FAM161A: variants seen among roughly 807,000 people sequenced by gnomAD.
The protein encoded by FAM161A is FAM161 centrosomal protein A.
Under a neutral mutation model 70.9 loss-of-function variants are expected in FAM161A, and 57 were observed. The ratio of observed to expected loss-of-function variants is 0.80; its 90% CI spans 0.65 to 1.00. The LOEUF (loss-of-function observed/expected upper bound fraction) is 1.00. FAM161A is among the 50% of genes least tolerant of loss of function. FAM161A has a pLI of 0.00. For synonymous variants in FAM161A, 299 were observed against 295.7 expected (o/e 1.01, Z -0.12); for missense variants, 880 against 836.0 (o/e 1.05, Z -0.65).
chr2:61,840,080 C>A lies in FAM161A; in HGVS notation c.924G>T (p.Arg308Ser), dbSNP rs1017182965. 1.2e-6 allele frequency: 2 copies of A among 1,614,190 alleles called. No individual in the cohort carries two copies. The highest frequency in any genetic ancestry group is 1.7e-6 in the Non-Finnish European group (2 of 1,180,046). Residue 308 changes from arginine to serine, a missense_variant, in exon 3 of 7, where the codon AGG becomes AGT. Coordinates refer to ENST00000404929, the MANE Select transcript of FAM161A (RefSeq NM_001201543.2). ...CTTCTTTGCTTTTCTCCTTCAGAGA[C>A]CTTCTCCGTTCTTCTTTTTGCTTGA... ...DLVKQKEERRRSLKEKSKEAL... is the reference protein window; with the variant it reads ...DLVKQKEERRSSLKEKSKEAL...
the FAM161A span, among the ~76,000 whole-genome samples, chr2:61,816,453 T>G: frequency 2.0e-5 from 3 of 151,642 alleles, no homozygotes; most frequent in African/African-American, 7.3e-5. Context: ...AAACTGAGGG[T>G]TTTTTGTTTG....
chr2:61,832,436 GAATAA>G (rs1436943925), intron 5 of FAM161A, among the ~76,000 whole-genome samples: 1 of 152,128 alleles, frequency 6.6e-6, no homozygotes, highest in Non-Finnish European at 1.5e-5. Flanking sequence ...TCCAGAACTA[GAATAA>G]AATAACAGTG....
Position 61,842,189 on chromosome 2 carries a change from C to T in FAM161A, c.355G>A (p.Asp119Asn), listed in dbSNP as rs1673041238. The change falls in exon 2 of 7, where the codon GAT becomes AAT. Residue 119 changes from aspartate (D) to asparagine (N), a missense_variant. Asp to Asn is a conservative substitution (Grantham distance 23). Coordinates refer to ENST00000404929, the MANE Select transcript of FAM161A (RefSeq NM_001201543.2). ...TMAKLEKMYQ[D>N]KLHLKEVQPV... ...TGAACTTCCTTTAAATGTAATTTAT[C>T]CTGGTACATTTTCTCTAATTTTGCC... is the stretch of plus-strand genomic sequence containing the variant. 1 of 1,613,870 alleles carries T rather than the reference C, an allele frequency of 6.2e-7. No individual in the cohort carries two copies. The highest frequency in any genetic ancestry group is 8.5e-7 in the Non-Finnish European group (1 of 1,179,810).
At chr2:61,849,106 TTA>T (rs746053988) in intron 1 of FAM161A, among the ~76,000 whole-genome samples, 949 of 70,882 alleles carry the variant, frequency 0.013, 181 homozygotes, top group Middle Eastern at 0.045. Flanking sequence ...ATATATATAT[TTA>T]TATATATATT....
rs767447599 is a variant in FAM161A at position 61,853,985 on chromosome 2, T to C, written c.57A>G (p.Val19=). The C allele has an allele frequency of 8.7e-6, 14 of 1,613,758 alleles. No homozygotes were observed. Among genetic ancestry groups the C allele is most frequent in the Non-Finnish European group, 1.1e-5 (13 of 1,179,778 alleles). Residue 19 remains valine (V), a synonymous_variant, in exon 1 of 7, where the codon GTA becomes GTG. Transcript: ENST00000404929. The part of the protein sequence containing the change: ...KLVASSLQTP[V]NPITGARVAQ... ...CGACCCGCGCTCCAGTGATGGGATT[T>C]ACCGGGGTCTGGAGACTGGAGGCCA...
chr2:61,847,589 G>T (rs559810550), intron 1 of FAM161A, among the ~76,000 whole-genome samples: 16 of 152,042 alleles, frequency 1.1e-4, no homozygotes, highest in African/African-American at 3.9e-4. Context: ...TGGGTAACAC[G>T]TCAAGGCCTC....
At chr2:61,828,962 A>G (rs1672476190) in intron 5 of FAM161A, among the ~76,000 whole-genome samples, 1 of 152,094 alleles carries the variant, frequency 6.6e-6, no homozygotes, top group Non-Finnish European at 1.5e-5. Context: ...AGGGCCAAGA[A>G]TTGCCCTCTG....
chr2:61,819,467 C>CA, the FAM161A span, among the ~76,000 whole-genome samples: 3 of 152,000 alleles, frequency 2.0e-5, no homozygotes, highest in Non-Finnish European at 4.4e-5. Flanking sequence ...TGTCTCAAAA[C>CA]AAAAAAGCCA....
chr2:61,838,451 A>T, intron 4 of FAM161A, 87 bp downstream of exon 4: 1 of 1,132,298 alleles, frequency 8.8e-7, no homozygotes, highest in Non-Finnish European at 1.3e-6. Flanking sequence ...TGCTATTTTC[A>T]ATCTGCTCAT....
At chr2:61,848,916 T>A (rs867788763) in intron 1 of FAM161A, among the ~76,000 whole-genome samples, 16 of 658 alleles carry the variant, frequency 0.024, 3 homozygotes, top group South Asian at 0.05. Flanking sequence ...ATTTATATAT[T>A]TATATATATT....
At chr2:61,852,308 G>C (rs1018545987) in intron 1 of FAM161A, among the ~76,000 whole-genome samples, 4 of 152,104 alleles carry the variant, frequency 2.6e-5, no homozygotes, top group Non-Finnish European at 5.9e-5. Context: ...CTGCAACTTA[G>C]AAGTGACTGA....
chr2:61,847,866 A>T (rs1202856804), intron 1 of FAM161A, among the ~76,000 whole-genome samples: 1 of 152,184 alleles, frequency 6.6e-6, no homozygotes, highest in Non-Finnish European at 1.5e-5. Context: ...CTAATGGCAG[A>T]TGTTCAAGGA....
At chr2:61,804,820 G>GAAAGAAAGAAAGAA in the FAM161A span, among the ~76,000 whole-genome samples, 1 of 96,834 alleles carries the variant, frequency 1.0e-5, no homozygotes, top group Non-Finnish European at 2.2e-5. Context: ...GAAAGAAAGA[G>GAAAGAAAGAAAGAA]AAAGAGAAAG....
chr2:61,838,892 A>ATTTTTT (rs746321568), intron 3 of FAM161A, among the ~76,000 whole-genome samples, 187 bp from the exon 4 acceptor site: 3 of 130,278 alleles, frequency 2.3e-5, no homozygotes, highest in African/African-American at 5.4e-5. Flanking sequence ...TTATTTATTT[A>ATTTTTT]TTTTTTTTGA....
the FAM161A span, chr2:61,803,272 G>A: frequency 1.6e-6 from 1 of 625,012 alleles, no homozygotes; most frequent in South Asian, 1.5e-5. Context: ...TCATGCTGGT[G>A]GTGGCTTTGG....
chr2:61,839,473 A>G lies in FAM161A; in HGVS notation c.1531T>C (p.Cys511Arg). 1 of 1,614,198 alleles carries G rather than the reference A, an allele frequency of 6.2e-7. No homozygotes were observed. Among genetic ancestry groups the G allele is most frequent in the Non-Finnish European group, 8.5e-7 (1 of 1,180,036 alleles). Residue 511 changes from cysteine to arginine, a missense_variant, in exon 3 of 7, where the codon TGC becomes CGC. Transcript: ENST00000404929. Reference protein sequence around the residue: ...CAGVNPVPCNCNPPVPTVSSR... With the variant: ...CAGVNPVPCNRNPPVPTVSSR... ...GATACCGTGGGCACGGGAGGGTTGC[A>G]GTTACAAGGCACAGGGTTTACACCT...
chr2:61,835,277 T>C (rs1414969825), intron 5 of FAM161A, among the ~76,000 whole-genome samples: 2 of 152,214 alleles, frequency 1.3e-5, no homozygotes, highest in Non-Finnish European at 2.9e-5. Flanking sequence ...ATGTCACCCA[T>C]ACAGATGCCT....
Position 61,826,006 on chromosome 2 carries a change from C to A in FAM161A, c.*449G>T. Reference sequence around the variant, plus strand: ...TAGAGGATTTATTCTGTGAAATGCACTGCAGAGAAAAAGAATGGGCAAATA... The same window carrying A: ...TAGAGGATTTATTCTGTGAAATGCAATGCAGAGAAAAAGAATGGGCAAATA... On this transcript the variant is annotated 3_prime_UTR_variant, in exon 7 of 7. Coordinates refer to ENST00000404929, the MANE Select transcript of FAM161A (RefSeq NM_001201543.2). The A allele has an allele frequency of 2.2e-6, 1 of 454,272 alleles. No homozygotes were observed. The highest frequency in any genetic ancestry group is 4.4e-6 in the Non-Finnish European group (1 of 226,902). The allele number at this position is 454,272 out of a possible 1,614,324, so 28.1% of individuals were successfully genotyped here.
rs1429726413 is a variant in FAM161A at position 61,839,466 on chromosome 2, G to A, written c.1538C>T (p.Pro513Leu). 6.2e-7 allele frequency: 1 copy of A among 1,614,164 alleles called. No individual in the cohort carries two copies. The highest frequency in any genetic ancestry group is 2.2e-5 in the East Asian group (1 of 44,890). Residue 513 changes from proline to leucine, a missense_variant, in exon 3 of 7, where the codon CCT becomes CTT. Transcript: ENST00000404929. ...TCTGGAAGATACCGTGGGCACGGGA[G>A]GGTTGCAGTTACAAGGCACAGGGTT... ...GVNPVPCNCN[P>L]PVPTVSSRGR...
Sources: allele counts gnomAD v4.1 joint callset (sites outside exome capture counted in the v4.1 genomes callset), GRCh38; gene constraint gnomAD v4.1.1; transcripts MANE v1.5; gene names NCBI Gene and HGNC (gene_info 2026-07-23, HGNC 2026-07-21).